CPXM2: variants seen among roughly 807,000 people sequenced by gnomAD.
The protein encoded by CPXM2 is inactive carboxypeptidase-like protein X2.
Under a neutral mutation model 86.1 loss-of-function variants are expected in CPXM2, and 66 were observed. That is an observed-to-expected ratio of 0.77 (90% CI 0.63 to 0.94). The LOEUF is 0.94. Among genes scored for constraint, CPXM2 ranks in the 40% least tolerant of loss-of-function variants. The pLI, the probability that CPXM2 is intolerant of heterozygous loss-of-function variation, is 0.00. For missense variants in CPXM2, 948 were observed against 1,026.3 expected (o/e 0.92, Z 1.04); for synonymous variants, 388 against 400.2 (o/e 0.97, Z 0.36).
intron 2 of CPXM2, among the ~76,000 whole-genome samples, chr10:123,897,520 C>G (rs1265758874): frequency 6.6e-6 from 1 of 152,168 alleles, no homozygotes; most frequent in African/African-American, 2.4e-5. Context: ...TGTGGCCCAT[C>G]AGGCAACCCG....
intron 2 of CPXM2, among the ~76,000 whole-genome samples, chr10:123,935,683 G>C (rs1402707150): frequency 1.3e-5 from 2 of 152,102 alleles, no homozygotes; most frequent in South Asian, 2.1e-4. Flanking sequence ...AAATAGCCCA[G>C]ACAAGGATGC....
At chr10:123,748,919 G>A (rs143865485) in intron 13 of CPXM2, among the ~76,000 whole-genome samples, 3 of 152,152 alleles carry the variant, frequency 2.0e-5, no homozygotes, top group Non-Finnish European at 2.9e-5. Context: ...AATGGCCTCC[G>A]CTTCCTGCCT....
chr10:123,813,528 G>A (rs1256669539), intron 4 of CPXM2, among the ~76,000 whole-genome samples: 3 of 152,166 alleles, frequency 2.0e-5, no homozygotes, highest in Admixed American at 6.5e-5. Flanking sequence ...CACATGATGC[G>A]TAGTAATTGT....
intron 13 of CPXM2, among the ~76,000 whole-genome samples, chr10:123,749,011 T>C (rs1036097998): frequency 6.6e-6 from 1 of 152,234 alleles, no homozygotes; most frequent in Non-Finnish European, 1.5e-5. Context: ...TTTATCCTCC[T>C]GGACTGAACG....
intron 2 of CPXM2, among the ~76,000 whole-genome samples, chr10:123,915,088 C>G (rs146169655): frequency 6.6e-6 from 1 of 152,194 alleles, no homozygotes; most frequent in African/African-American, 2.4e-5. Flanking sequence ...ACTTCTCCCC[C>G]GCCTAGATCC....
intron 4 of CPXM2, among the ~76,000 whole-genome samples, chr10:123,819,450 G>A (rs890894269): frequency 8.5e-5 from 13 of 152,172 alleles, no homozygotes; most frequent in Admixed American, 2.0e-4. Flanking sequence ...TACCATCTAC[G>A]ACCATGTGAC....
chr10:123,788,238 C>T (rs1247822991), intron 6 of CPXM2, among the ~76,000 whole-genome samples: 1 of 148,168 alleles, frequency 6.7e-6, no homozygotes. Flanking sequence ...CGAGATCATG[C>T]CACTGCACTC....
intron 1 of CPXM2, among the ~76,000 whole-genome samples, chr10:123,890,638 T>C (rs1438318746): frequency 1.3e-5 from 2 of 152,248 alleles, no homozygotes; most frequent in African/African-American, 4.8e-5. Context: ...AGGTGGTTAA[T>C]AAACTACGTC....
chr10:123,779,184 T>G (rs931930379), intron 7 of CPXM2, among the ~76,000 whole-genome samples: 1 of 152,244 alleles, frequency 6.6e-6, no homozygotes, highest in Non-Finnish European at 1.5e-5. Flanking sequence ...GCATGTTCTG[T>G]CTCTTCAGAT....
chr10:123,898,472 T>A (rs541016254), intron 2 of CPXM2, among the ~76,000 whole-genome samples: 7 of 92,288 alleles, frequency 7.6e-5, no homozygotes, highest in South Asian at 2.9e-4. Context: ...CTCAAAAAAA[T>A]ATATATATCT....
intron 1 of CPXM2, among the ~76,000 whole-genome samples, chr10:123,890,145 C>T (rs1564814765): frequency 6.6e-6 from 1 of 152,176 alleles, no homozygotes; most frequent in Non-Finnish European, 1.5e-5. Context: ...CGACATTCTA[C>T]AAATATAAGT....
intron 4 of CPXM2, among the ~76,000 whole-genome samples, chr10:123,823,379 T>C (rs1847970743): frequency 6.6e-6 from 1 of 152,150 alleles, no homozygotes; most frequent in Non-Finnish European, 1.5e-5. Flanking sequence ...CTAATATGTA[T>C]GGATATATTA....
At chr10:123,766,388 A>T (rs1361128151) in intron 10 of CPXM2, among the ~76,000 whole-genome samples, 1 of 152,208 alleles carries the variant, frequency 6.6e-6, no homozygotes, top group Non-Finnish European at 1.5e-5. Context: ...TATATCAACA[A>T]AGGTAGAACT....
Position 123,865,847 on chromosome 10 carries a change from T to G in CPXM2, c.404-3124A>C, listed in dbSNP as rs569341539. On this transcript the variant is annotated intron_variant, in intron 2 of 13. Transcript: ENST00000241305. This position sits in a 1 kb window ranked among gnomAD's most constrained non-coding sequence, Gnocchi z 4.7. ...GGGGCAACACCTCCATCTCTGCTTCTTCTCTCCCTTCCTTTCCTGGGATTT... is the reference window on the plus strand; with the variant it reads ...GGGGCAACACCTCCATCTCTGCTTCGTCTCTCCCTTCCTTTCCTGGGATTT... Among the ~76,000 whole-genome samples, 2 of 152,204 alleles carry G rather than the reference T, an allele frequency of 1.3e-5. No homozygotes were observed.
chr10:123,894,699 G>T (rs1461955729), upstream of CPXM2, among the ~76,000 whole-genome samples: 1 of 152,146 alleles, frequency 6.6e-6, no homozygotes, highest in African/African-American at 2.4e-5. Flanking sequence ...CTCAGATGAA[G>T]ACCTCCCTGG....
intron 2 of CPXM2, among the ~76,000 whole-genome samples, chr10:123,915,402 A>G (rs184708755): frequency 2.0e-5 from 3 of 152,258 alleles, no homozygotes; most frequent in Admixed American, 6.5e-5. Flanking sequence ...TACTAAAAAT[A>G]TGAAAATTAA....
rs1257450835 is a variant in CPXM2 at position 123,901,990 on chromosome 10, A to G, written n.175-21681T>C. Among the ~76,000 whole-genome samples, 3 of 152,240 alleles carry G rather than the reference A, an allele frequency of 2.0e-5. No individual in the cohort carries two copies. In the East Asian group the frequency reaches 5.8e-4, roughly 29 times the overall value. ...GTCTCTTTCCTCCGAACTGTTTTCC[A>G]GAGAACTTTTGTGCAGAGTATCCCA... On this transcript the variant is annotated intron_variant and non_coding_transcript_variant, in intron 2 of 19. Transcript: ENST00000368854.
rs924001521 is a variant in CPXM2 at position 123,885,840 on chromosome 10, C to T, written c.304+5516G>A. Among the ~76,000 whole-genome samples the T allele has an allele frequency of 5.3e-5, 8 of 152,356 alleles. No homozygotes were observed. Among genetic ancestry groups the T allele is most frequent in the Admixed American group, 5.2e-4 (8 of 15,310 alleles). On this transcript the variant is annotated intron_variant, in intron 1 of 13. Coordinates refer to ENST00000241305, the MANE Select transcript of CPXM2 (RefSeq NM_198148.3). This position sits in a 1 kb window ranked among gnomAD's most constrained non-coding sequence, Gnocchi z 4.0. Reference sequence around the variant, plus strand: ...GGGCCAGGCTGCCATTGTCCCCACACTAAAGGTGCCATGAGCTCTAGCAGC... The same window carrying T: ...GGGCCAGGCTGCCATTGTCCCCACATTAAAGGTGCCATGAGCTCTAGCAGC...
chr10:123,880,391 T>G (rs1945063635), intron 1 of CPXM2, 82 bp from the exon 2 acceptor site: 2 of 720,530 alleles, frequency 2.8e-6, no homozygotes, highest in Admixed American at 3.9e-5. Context: ...TGTCCTCTCC[T>G]GCACAGCAGC....
Sources: allele counts gnomAD v4.1 joint callset (sites outside exome capture counted in the v4.1 genomes callset), GRCh38; gene constraint gnomAD v4.1.1; non-coding constraint Gnocchi (gnomAD v3.1); transcripts MANE v1.5; gene names NCBI Gene and HGNC (gene_info 2026-07-23, HGNC 2026-07-21).